The following PCDHGB5 variants were observed in gnomAD, a reference collection of about 807,000 sequenced individuals.
PCDHGB5 encodes protocadherin gamma-B5.
A neutral mutation model predicts 62.9 loss-of-function variants in PCDHGB5; 48 were observed. The ratio of observed to expected loss-of-function variants is 0.76; its 90% CI spans 0.61 to 0.97. The LOEUF (loss-of-function observed/expected upper bound fraction) is 0.97, where lower values mean the gene tolerates loss of function less well. Ranked by LOEUF, PCDHGB5 falls within the 50% of genes least tolerant of loss-of-function variation. PCDHGB5 has a pLI of 0.00. For synonymous variants in PCDHGB5, 474 were observed against 511.2 expected, an observed-to-expected ratio of 0.93 and a Z score of 0.98; for missense variants, 1,118 against 1,198.6, an observed-to-expected ratio of 0.93 and a Z score of 0.99.
In PCDHGB5 at chr5:141,476,574, G is replaced by C. The variant is rs746783993; in HGVS notation, c.2398-18233G>C. The C allele has an allele frequency of 1.1e-5, 18 of 1,614,084 alleles. No homozygotes were observed. The Admixed American group carries it at 1.8e-4, about 16-fold the overall frequency. On this transcript the variant is annotated intron_variant, in intron 1 of 3. Coordinates refer to ENST00000617380, the MANE Select transcript of PCDHGB5 (RefSeq NM_018925.3). The surrounding 1 kb of genome is among the most constrained non-coding windows in gnomAD (Gnocchi z 7.6). ...AGCGAGGCCGTGGCTCCGGGGACGC[G>C]CTTTCCGCTCGAGAGCGCGCACGAT...
intron 1 of PCDHGB5, chr5:141,404,860 T>C (rs3749769): frequency 0.09 from 144,859 of 1,613,622 alleles, 7,500 homozygotes; most frequent in African/African-American, 0.18. Context: ...TAGATAGAGA[T>C]GCGCTCAAAC....
chr5:141,427,705 C>T (rs2097059995), intron 1 of PCDHGB5: 1 of 983,052 alleles, frequency 1.0e-6, no homozygotes, highest in African/African-American at 1.6e-5. Flanking sequence ...CAAGTCAGCG[C>T]CTCTGACCTG....
At chr5:141,421,813 G>A in intron 1 of PCDHGB5, 1 of 1,613,838 alleles carries the variant, frequency 6.2e-7, no homozygotes, top group Non-Finnish European at 8.5e-7. Flanking sequence ...TCCAGAGCTA[G>A]TACTGGAGGG....
In PCDHGB5 at chr5:141,421,780, G is replaced by A. The variant is rs1259671007; in HGVS notation, c.2397+21256G>A. On this transcript the variant is annotated intron_variant, in intron 1 of 3. Coordinates refer to ENST00000617380, the MANE Select transcript of PCDHGB5 (RefSeq NM_018925.3). ...TAATTACTTTTCCTTGCAACTGCGGGGCAGAACGGATGGGGCCAAGAATCC... is the reference window on the plus strand; with the variant it reads ...TAATTACTTTTCCTTGCAACTGCGGAGCAGAACGGATGGGGCCAAGAATCC... The A allele has an allele frequency of 2.5e-6, 4 of 1,613,856 alleles. No homozygotes were observed. In the South Asian group the frequency reaches 4.4e-5, roughly 18 times the overall value.
chr5:141,434,455 G>A (rs2097695575), intron 1 of PCDHGB5, among the ~76,000 whole-genome samples: 1 of 152,192 alleles, frequency 6.6e-6, no homozygotes, highest in Admixed American at 6.5e-5. Context: ...GAAGGTAGTG[G>A]GTTTACCGGA....
chr5:141,491,945 C>T lies in PCDHGB5; in HGVS notation c.2398-2862C>T. ...GAGGGGAGGTGGGACCGACCCCCAC[C>T]CCTACACTCAAAAAAGGCCGGGGCC... On this transcript the variant is annotated intron_variant, in intron 1 of 3. Coordinates refer to ENST00000617380, the MANE Select transcript of PCDHGB5 (RefSeq NM_018925.3). The surrounding 1 kb of genome is among the most constrained non-coding windows in gnomAD (Gnocchi z 6.9). 1.8e-6 allele frequency: 2 copies of T among 1,116,616 alleles called. No individual in the cohort carries two copies. 69.2% of individuals were successfully genotyped at this position (1,116,616 alleles called of 1,614,324 possible). A position where few individuals can be genotyped will look rare whatever the true frequency, so the allele number is the denominator to read the frequency against.
In PCDHGB5 at chr5:141,408,707, G is replaced by A. The variant is rs899200128; in HGVS notation, c.2397+8183G>A. On this transcript the variant is annotated intron_variant, in intron 1 of 3. Coordinates refer to ENST00000617380, the MANE Select transcript of PCDHGB5 (RefSeq NM_018925.3). ...TGATATAAACATAAACTCAATTAAAGATTATAAGATAAACTCTAATCCTTA... is the reference window on the plus strand; with the variant it reads ...TGATATAAACATAAACTCAATTAAAAATTATAAGATAAACTCTAATCCTTA... 1.9e-6 allele frequency: 3 copies of A among 1,612,764 alleles called. No homozygotes were observed. In the African/African-American group the frequency reaches 4.0e-5, roughly 22 times the overall value.
At position 141,512,644 on chromosome 5, in the gene PCDHGB5, G is replaced by T. The variant is rs1283774989; in HGVS notation, c.*1471G>T. Reference sequence around the variant, plus strand: ...ACCCCAGACCTGCCCTTACAGTAGTGTAGCGCCCCCTCCCTCTTTCGGCTG... The same window carrying T: ...ACCCCAGACCTGCCCTTACAGTAGTTTAGCGCCCCCTCCCTCTTTCGGCTG... On this transcript the variant is annotated 3_prime_UTR_variant, in exon 4 of 4. Coordinates refer to ENST00000617380, the MANE Select transcript of PCDHGB5 (RefSeq NM_018925.3). 1 of 152,528 alleles carries T rather than the reference G, an allele frequency of 6.6e-6. No individual in the cohort carries two copies. The allele number at this position is 152,528 out of a possible 1,614,324, so 9.4% of individuals were successfully genotyped here.
At chr5:141,405,004 G>A in intron 1 of PCDHGB5, 1 of 1,613,960 alleles carries the variant, frequency 6.2e-7, no homozygotes, top group South Asian at 1.1e-5. Flanking sequence ...CTGCAGACCT[G>A]GAGGCCTCAG....
chr5:141,500,188 A>T (rs182086759), intron 2 of PCDHGB5, among the ~76,000 whole-genome samples: 173 of 98,190 alleles, frequency 1.8e-3, no homozygotes, highest in African/African-American at 4.0e-3. Flanking sequence ...TTTTATTTTT[A>T]TTTATTTATT....
At position 141,432,554 on chromosome 5, in the gene PCDHGB5, G is replaced by A. The variant is rs757821109; in HGVS notation, c.2397+32030G>A. The A allele has an allele frequency of 9.3e-6, 15 of 1,613,832 alleles. No homozygotes were observed. Among genetic ancestry groups the A allele is most frequent in the Non-Finnish European group, 1.3e-5 (15 of 1,180,006 alleles). On this transcript the variant is annotated intron_variant, in intron 1 of 3. Coordinates refer to ENST00000617380, the MANE Select transcript of PCDHGB5 (RefSeq NM_018925.3). The surrounding 1 kb of genome is among the most constrained non-coding windows in gnomAD (Gnocchi z 6.0). ...GGTGGTGGCGGTGGACAGAGACTCCGGCCAGAACGCCTGGCTGTCCTACCG... is the reference window on the plus strand; with the variant it reads ...GGTGGTGGCGGTGGACAGAGACTCCAGCCAGAACGCCTGGCTGTCCTACCG...
At chr5:141,458,662 C>T (rs948275548) in intron 1 of PCDHGB5, among the ~76,000 whole-genome samples, 3 of 152,064 alleles carry the variant, frequency 2.0e-5, no homozygotes, top group East Asian at 1.9e-4. Flanking sequence ...CTCCACCTCT[C>T]GGGTTCAAGC....
chr5:141,417,533 A>T (rs1253836392), intron 1 of PCDHGB5: 3 of 274,888 alleles, frequency 1.1e-5, no homozygotes, highest in African/African-American at 2.2e-5. Context: ...CTCGTAGTTT[A>T]AAAAAAATTC....
chr5:141,469,213 G>A (rs866405809), intron 1 of PCDHGB5, among the ~76,000 whole-genome samples: 21 of 150,912 alleles, frequency 1.4e-4, no homozygotes, highest in African/African-American at 5.1e-4. Flanking sequence ...TGAAGTTGAG[G>A]CTTCAGTGAG....
At position 141,416,146 on chromosome 5, in the gene PCDHGB5, G is replaced by T. The variant is rs114133295; in HGVS notation, c.2397+15622G>T. 4.2e-3 allele frequency: 636 copies of T among 153,236 alleles called. 7 individuals carry two copies. Among genetic ancestry groups the T allele is most frequent in the South Asian group, 0.03 (145 of 4,832 alleles). 9.5% of individuals were successfully genotyped at this position (153,236 alleles called of 1,614,324 possible). Reference sequence around the variant, plus strand: ...TATATTTTTCAATCTATACTTTGTGGTGATAGTTGCAGTTGAATATACTAA... The same window carrying T: ...TATATTTTTCAATCTATACTTTGTGTTGATAGTTGCAGTTGAATATACTAA... On this transcript the variant is annotated intron_variant, in intron 1 of 3. Transcript: ENST00000617380.
chr5:141,498,065 G>C (rs1197771947), intron 2 of PCDHGB5, among the ~76,000 whole-genome samples: 1 of 152,220 alleles, frequency 6.6e-6, no homozygotes, highest in Non-Finnish European at 1.5e-5. Context: ...GACTGAAACT[G>C]TCATAAGTGC....
intron 1 of PCDHGB5, among the ~76,000 whole-genome samples, chr5:141,453,692 C>G (rs1182118927): frequency 6.6e-6 from 1 of 152,146 alleles, no homozygotes; most frequent in African/African-American, 2.4e-5. Flanking sequence ...GTAGGTAGTC[C>G]TGGCTTTGAA....
intron 1 of PCDHGB5, chr5:141,409,921 G>T (rs767370997): frequency 6.2e-7 from 1 of 1,613,404 alleles, no homozygotes; most frequent in Admixed American, 1.7e-5. Context: ...ACGGCTCCGC[G>T]TTCTTCGATA....
intron 1 of PCDHGB5, among the ~76,000 whole-genome samples, chr5:141,464,504 T>A (rs1264652523): frequency 6.6e-6 from 1 of 152,046 alleles, no homozygotes; most frequent in Non-Finnish European, 1.5e-5. Context: ...GATTGCTGCA[T>A]CATAAGGTAA....
Sources: gnomAD v4.1 joint callset for allele counts (sites outside exome capture counted in the v4.1 genomes callset) on GRCh38, gnomAD v4.1.1 for gene constraint, Gnocchi (gnomAD v3.1) non-coding constraint, MANE v1.5 for transcripts, NCBI Gene and HGNC (gene_info 2026-07-23, HGNC 2026-07-21) for gene names.